The following GALNT13 variants were observed in gnomAD, a reference collection of about 807,000 sequenced individuals.
GALNT13 encodes the protein UDP-GalNAc:polypeptide N-acetylgalactosaminyltransferase 13.
Under a neutral mutation model 64.2 loss-of-function variants are expected in GALNT13, and 28 were observed. The ratio of observed to expected loss-of-function variants is 0.44; its 90% CI spans 0.32 to 0.60. The LOEUF is 0.60. Ranked by LOEUF, GALNT13 falls within the 20% of genes least tolerant of loss-of-function variation. The pLI is 0.05. For synonymous variants in GALNT13, 214 were observed against 224.6 expected, an observed-to-expected ratio of 0.95 and a Z score of 0.42; for missense variants, 577 against 669.8, an observed-to-expected ratio of 0.86 and a Z score of 1.53.
intron 7 of GALNT13, among the ~76,000 whole-genome samples, chr2:154,248,236 A>T (rs1268352772): frequency 1.3e-5 from 2 of 152,110 alleles, no homozygotes; most frequent in Non-Finnish European, 2.9e-5. Context: ...CTTGTGACCT[A>T]AATCAGTTAT....
chr2:153,632,925 T>C, the GALNT13 span, among the ~76,000 whole-genome samples: 5 of 152,092 alleles, frequency 3.3e-5, no homozygotes, highest in East Asian at 9.7e-4. Flanking sequence ...GCTAATTTTT[T>C]TGGCACTTTT....
the GALNT13 span, among the ~76,000 whole-genome samples, chr2:153,336,297 G>T: frequency 3.3e-5 from 5 of 152,186 alleles, 1 homozygote. Flanking sequence ...CCAACAGCTT[G>T]CACTTTGCAC....
the GALNT13 span, among the ~76,000 whole-genome samples, chr2:153,563,521 A>G: frequency 6.6e-6 from 1 of 152,064 alleles, no homozygotes; most frequent in African/African-American, 2.4e-5. Flanking sequence ...TGTGAGGGGA[A>G]CAGTTCTGCT....
At chr2:153,674,931 A>G in the GALNT13 span, among the ~76,000 whole-genome samples, 1 of 152,252 alleles carries the variant, frequency 6.6e-6, no homozygotes, top group Non-Finnish European at 1.5e-5. Context: ...TGCATCCAAC[A>G]GACATATGAA....
At chr2:154,427,897 C>T (rs1161711378) in intron 11 of GALNT13, among the ~76,000 whole-genome samples, 1 of 152,072 alleles carries the variant, frequency 6.6e-6, no homozygotes, top group Non-Finnish European at 1.5e-5. Flanking sequence ...TATGAATTCT[C>T]CATGCTGACT....
the GALNT13 span, among the ~76,000 whole-genome samples, chr2:153,213,173 A>G: frequency 6.6e-6 from 1 of 152,204 alleles, no homozygotes; most frequent in East Asian, 1.9e-4. Flanking sequence ...TCAGCACTGC[A>G]GGGAGCATGG....
chr2:153,247,274 G>A, the GALNT13 span, among the ~76,000 whole-genome samples: 1 of 152,158 alleles, frequency 6.6e-6, no homozygotes, highest in African/African-American at 2.4e-5. Context: ...AATCAACTCT[G>A]GATCAAGTGG....
rs137917575 is a variant in GALNT13 at position 154,159,421 on chromosome 2, C to T, written c.311+18916C>T. Reference sequence around the variant, plus strand: ...AAGTGCTGGGATTACAGGCATGAGACACCGTGCCTGGCCAATTGCAGAGGT... The same window carrying T: ...AAGTGCTGGGATTACAGGCATGAGATACCGTGCCTGGCCAATTGCAGAGGT... On this transcript the variant is annotated intron_variant, in intron 4 of 12. Coordinates refer to ENST00000392825, the MANE Select transcript of GALNT13 (RefSeq NM_052917.4). 6.1e-4 allele frequency among the ~76,000 whole-genome samples: 93 copies of T among 152,286 alleles called. 2 individuals carry two copies. The East Asian group carries it at 0.015, about 25-fold the overall frequency.
Position 153,874,011 on chromosome 2 carries a change from A to G in GALNT13, c.-177+1708A>G, listed in dbSNP as rs1686177946. Among the ~76,000 whole-genome samples, 5 of 151,362 alleles carry G rather than the reference A, an allele frequency of 3.3e-5. No individual in the cohort carries two copies. In the South Asian group the frequency reaches 1.0e-3, roughly 32 times the overall value. On this transcript the variant is annotated intron_variant, in intron 1 of 12. Coordinates refer to ENST00000392825, the MANE Select transcript of GALNT13 (RefSeq NM_052917.4). ...CACCTTCCGGGATAATTCTCCTTGT[A>G]TTACACGCATCCTTTCCTTTTCCTC...
intron 8 of GALNT13, among the ~76,000 whole-genome samples, chr2:154,287,826 C>A (rs1396158040): frequency 2.0e-5 from 3 of 151,968 alleles, no homozygotes; most frequent in Non-Finnish European, 4.4e-5. Flanking sequence ...TTTCCTATTT[C>A]TTCATTTTCC....
chr2:153,565,007 A>C, the GALNT13 span, among the ~76,000 whole-genome samples: 1 of 152,138 alleles, frequency 6.6e-6, no homozygotes, highest in Non-Finnish European at 1.5e-5. Context: ...GAGGAAATGC[A>C]TTCTTCTAAC....
the GALNT13 span, among the ~76,000 whole-genome samples, chr2:153,507,101 C>T: frequency 6.6e-6 from 1 of 152,010 alleles, no homozygotes; most frequent in Non-Finnish European, 1.5e-5. Context: ...GCCTTGTATT[C>T]AAGCTCTAAA....
At chr2:153,264,879 C>T in the GALNT13 span, among the ~76,000 whole-genome samples, 1 of 152,130 alleles carries the variant, frequency 6.6e-6, no homozygotes, top group East Asian at 1.9e-4. Flanking sequence ...GAGCAGCAAA[C>T]CACCATGGCA....
the GALNT13 span, among the ~76,000 whole-genome samples, chr2:153,111,560 A>C: frequency 6.6e-6 from 1 of 152,138 alleles, no homozygotes; most frequent in South Asian, 2.1e-4. Context: ...ATTTTAAAGC[A>C]ACATTACTAG....
At chr2:153,846,270 A>G in the GALNT13 span, among the ~76,000 whole-genome samples, 4 of 152,164 alleles carry the variant, frequency 2.6e-5, no homozygotes, top group African/African-American at 9.6e-5. Flanking sequence ...GTTTAAATAT[A>G]TGTAGAATTT....
At chr2:154,078,891 G>T (rs911436346) in intron 3 of GALNT13, among the ~76,000 whole-genome samples, 8 of 151,592 alleles carry the variant, frequency 5.3e-5, no homozygotes, top group Non-Finnish European at 8.9e-5. Flanking sequence ...GTGCCTCAGT[G>T]ACTTCAATTC....
chr2:154,094,843 A>G (rs140557870), intron 3 of GALNT13, among the ~76,000 whole-genome samples: 2,996 of 151,970 alleles, frequency 0.02, 61 homozygotes, highest in Middle Eastern at 0.031. Context: ...AACTTACTTC[A>G]TAAAGTCCTA....
chr2:154,082,047 C>T (rs1701297365), intron 3 of GALNT13, among the ~76,000 whole-genome samples: 1 of 151,676 alleles, frequency 6.6e-6, no homozygotes, highest in African/African-American at 2.4e-5. Flanking sequence ...CAAATAGATT[C>T]CCTAGGTACA....
intron 3 of GALNT13, among the ~76,000 whole-genome samples, chr2:153,984,139 A>G (rs547365338): frequency 1.3e-5 from 2 of 151,952 alleles, no homozygotes; most frequent in Admixed American, 6.6e-5. Flanking sequence ...CTTAAACTAC[A>G]TTGTCATCAT....
Sources: allele counts gnomAD v4.1 joint callset (sites outside exome capture counted in the v4.1 genomes callset), GRCh38; gene constraint gnomAD v4.1.1; transcripts MANE v1.5; gene names NCBI Gene and HGNC (gene_info 2026-07-23, HGNC 2026-07-21).